Variants in KRABD3 observed in about 807,000 individuals in gnomAD.
KRABD3 encodes KRAB domain containing 3.
At chr7:149,729,447 C>T in the KRABD3 span, 1 of 1,295,330 alleles carries the variant, frequency 7.7e-7, no homozygotes, top group African/African-American at 1.5e-5. Flanking sequence ...ACTTCCCTCT[C>T]TGTCCCTCTG....
At chr7:149,717,730 G>T in the KRABD3 span, among the ~76,000 whole-genome samples, 6 of 152,342 alleles carry the variant, frequency 3.9e-5, no homozygotes, top group African/African-American at 1.2e-4. Flanking sequence ...GCACTGGTAA[G>T]TGTGACTGCA....
chr7:149,722,535 A>G, the KRABD3 span: 2 of 1,440,222 alleles, frequency 1.4e-6, no homozygotes, highest in African/African-American at 2.9e-5. Context: ...AGGACAGGAG[A>G]GAGGGACCTC....
At chr7:149,733,931 GA>G in the KRABD3 span, 1 of 1,596,240 alleles carries the variant, frequency 6.3e-7, no homozygotes, top group African/African-American at 1.3e-5. Context: ...AGTGGCACCA[GA>G]CGGGATCCCA....
At chr7:149,729,295 G>A in the KRABD3 span, 27 of 1,600,768 alleles carry the variant, frequency 1.7e-5, no homozygotes, top group Admixed American at 1.2e-4. Flanking sequence ...CTCCAGCTGC[G>A]TCCCCGCCTG....
At chr7:149,719,686 G>A in the KRABD3 span, 5 of 1,595,886 alleles carry the variant, frequency 3.1e-6, no homozygotes, top group Non-Finnish European at 4.3e-6. The surrounding 1 kb of genome is among the most constrained non-coding windows in gnomAD (Gnocchi z 5.6). Flanking sequence ...AGGACGGGAG[G>A]GAGCAGCACG....
chr7:149,734,160 C>T, the KRABD3 span: 18 of 1,378,916 alleles, frequency 1.3e-5, no homozygotes, highest in Middle Eastern at 5.3e-4. Flanking sequence ...ATCTCCCTTA[C>T]TGTTGCTGGG....
chr7:149,726,103 G>T, the KRABD3 span: 23 of 1,556,432 alleles, frequency 1.5e-5, no homozygotes, highest in Non-Finnish European at 1.9e-5. Flanking sequence ...CCTGGGAGAG[G>T]ACTCAAGGCC....
the KRABD3 span, chr7:149,721,844 C>A: frequency 1.8e-6 from 1 of 555,984 alleles, no homozygotes; most frequent in South Asian, 1.6e-5. Flanking sequence ...GCAGCATTGA[C>A]CTACCTGTGT....
chr7:149,732,410 C>T, the KRABD3 span, among the ~76,000 whole-genome samples: 24 of 152,240 alleles, frequency 1.6e-4, no homozygotes, highest in South Asian at 2.3e-3. The surrounding 1 kb of genome is among the most constrained non-coding windows in gnomAD (Gnocchi z 4.0). Context: ...ACTTTTTCCT[C>T]GGTTTAAAGC....
chr7:149,720,833 A>G, the KRABD3 span: 5 of 1,583,148 alleles, frequency 3.2e-6, no homozygotes, highest in Non-Finnish European at 4.3e-6. Flanking sequence ...GCCTCTCTGC[A>G]GGGGGACAGC....
the KRABD3 span, chr7:149,722,296 C>T: frequency 7.4e-7 from 1 of 1,351,412 alleles, no homozygotes; most frequent in Non-Finnish European, 1.0e-6. Context: ...TAAAGGCCCT[C>T]AGCCCACCTC....
the KRABD3 span, chr7:149,722,462 A>T: frequency 6.2e-7 from 1 of 1,608,218 alleles, no homozygotes; most frequent in Non-Finnish European, 8.5e-7. Context: ...AGGAAGGCCC[A>T]GGAGCCCTGG....
the KRABD3 span, among the ~76,000 whole-genome samples, chr7:149,723,136 A>C: frequency 6.6e-6 from 1 of 152,238 alleles, no homozygotes; most frequent in South Asian, 2.1e-4. Flanking sequence ...TCAGCTGGGA[A>C]AAGGAAACTC....
chr7:149,715,427 A>G, the KRABD3 span: 3 of 926,834 alleles, frequency 3.2e-6, no homozygotes, highest in East Asian at 1.4e-4. Context: ...GGGAGAAACA[A>G]AGATAGAACA....
chr7:149,719,782 C>T, the KRABD3 span: 152,742 of 1,337,124 alleles, frequency 0.11, 9,480 homozygotes, highest in Middle Eastern at 0.24. This position sits in a 1 kb window ranked among gnomAD's most constrained non-coding sequence, Gnocchi z 5.6. Flanking sequence ...GAAATGAACA[C>T]GGGGATCGTT....
At chr7:149,731,527 C>A in the KRABD3 span, 1 of 700,092 alleles carries the variant, frequency 1.4e-6, no homozygotes, top group Non-Finnish European at 2.4e-6. Flanking sequence ...CAGAATTAGG[C>A]TCCCTCATGG....
chr7:149,720,615 C>A, the KRABD3 span, among the ~76,000 whole-genome samples: 1 of 152,228 alleles, frequency 6.6e-6, no homozygotes, highest in Non-Finnish European at 1.5e-5. Context: ...ACAGAGGAGC[C>A]CTGTTACCCA....
At chr7:149,729,566 C>T in the KRABD3 span, 276 of 985,416 alleles carry the variant, frequency 2.8e-4, 1 homozygote, top group African/African-American at 1.5e-3. Context: ...TGACAAGGAG[C>T]GGGGTCGGGA....
the KRABD3 span, chr7:149,722,275 GA>G: frequency 1.9e-6 from 2 of 1,077,952 alleles, no homozygotes; most frequent in Admixed American, 4.7e-5. Flanking sequence ...AGTTAAACCA[GA>G]AAGAAACGGT....
Sources: allele counts gnomAD v4.1 joint callset (sites outside exome capture counted in the v4.1 genomes callset), GRCh38; gene constraint gnomAD v4.1.1; non-coding constraint Gnocchi (gnomAD v3.1); transcripts MANE v1.5; gene names NCBI Gene and HGNC (gene_info 2026-07-23, HGNC 2026-07-21).